PCDHGA9: variants seen among roughly 807,000 people sequenced by gnomAD.
PCDHGA9 encodes the protein protocadherin gamma subfamily A, 9, also known as protocadherin gamma-A9.
A neutral mutation model predicts 62.5 loss-of-function variants in PCDHGA9; 37 were observed. The ratio of observed to expected loss-of-function variants is 0.59; its 90% CI spans 0.46 to 0.78. PCDHGA9 has a LOEUF of 0.78. Among genes scored for constraint, PCDHGA9 ranks in the 30% least tolerant of loss-of-function variants. PCDHGA9 has a pLI of 0.00. For missense variants in PCDHGA9, 1,138 were observed against 1,166.2 expected, an observed-to-expected ratio of 0.98 and a Z score of 0.35; for synonymous variants, 459 against 484.6, an observed-to-expected ratio of 0.95 and a Z score of 0.69.
At chr5:141,470,242 T>C (rs1301513342) in intron 1 of PCDHGA9, among the ~76,000 whole-genome samples, 1 of 152,344 alleles carries the variant, frequency 6.6e-6, no homozygotes, top group South Asian at 2.1e-4. Flanking sequence ...CCCTTGAATG[T>C]CCCACCTGTC....
chr5:141,491,414 G>T lies in PCDHGA9; in HGVS notation c.2425-3393G>T, dbSNP rs137987971. ...CTTCAGGGAAACGCAGACGGGGACGGGGGTGGAGGGCAGTGCTGCAGGCGC... is the reference window on the plus strand; with the variant it reads ...CTTCAGGGAAACGCAGACGGGGACGTGGGTGGAGGGCAGTGCTGCAGGCGC... On this transcript the variant is annotated intron_variant, in intron 1 of 3. Coordinates refer to ENST00000573521, the MANE Select transcript of PCDHGA9 (RefSeq NM_018921.3). The surrounding 1 kb of genome is among the most constrained non-coding windows in gnomAD (Gnocchi z 6.9). 1.9e-6 allele frequency: 3 copies of T among 1,614,008 alleles called. No homozygotes were observed. Among genetic ancestry groups the T allele is most frequent in the Non-Finnish European group, 2.5e-6 (3 of 1,180,030 alleles).
In PCDHGA9 at chr5:141,432,330, A is replaced by G. The variant is rs760184218; in HGVS notation, c.2424+26954A>G. 82 of 1,614,134 alleles carry G rather than the reference A, an allele frequency of 5.1e-5. No individual in the cohort carries two copies. The highest frequency in any genetic ancestry group is 6.8e-5 in the Non-Finnish European group (80 of 1,180,048). Reference sequence around the variant, plus strand: ...GCGCTGAGCTCCTTCGACTACGAGCAGTTCCGAGACTTGCAAGTGAAAGTG... The same window carrying G: ...GCGCTGAGCTCCTTCGACTACGAGCGGTTCCGAGACTTGCAAGTGAAAGTG... On this transcript the variant is annotated intron_variant, in intron 1 of 3. Transcript: ENST00000573521. The surrounding 1 kb of genome is among the most constrained non-coding windows in gnomAD (Gnocchi z 6.0).
chr5:141,426,371 C>T (rs987346395), intron 1 of PCDHGA9: 4 of 217,048 alleles, frequency 1.8e-5, no homozygotes, highest in African/African-American at 9.0e-5. Context: ...TGCGGGGCAC[C>T]CTCGGAGCAG....
chr5:141,449,424 T>C (rs2098638345), intron 1 of PCDHGA9, among the ~76,000 whole-genome samples: 1 of 151,674 alleles, frequency 6.6e-6, no homozygotes, highest in Admixed American at 6.6e-5. Context: ...CTGGCCAACA[T>C]GATAAAACTC....
chr5:141,470,742 G>T (rs2099238719), intron 1 of PCDHGA9, among the ~76,000 whole-genome samples: 1 of 152,066 alleles, frequency 6.6e-6, no homozygotes, highest in African/African-American at 2.4e-5. Flanking sequence ...CTGTCGCCCT[G>T]GCTGGAGTGC....
At chr5:141,414,692 C>T (rs2095777962) in intron 1 of PCDHGA9, 1 of 1,613,918 alleles carries the variant, frequency 6.2e-7, no homozygotes, top group African/African-American at 1.3e-5. Flanking sequence ...GTACCTCTGT[C>T]CTCATACATA....
rs549842756 is a variant in PCDHGA9 at position 141,470,331 on chromosome 5, A to T, written c.2425-24476A>T. ...TTTCCTCAAATGATCCCATAATTTG[A>T]CCTTAGGAAGCTGTTCAAATAGACA... is the stretch of plus-strand genomic sequence containing the variant. On this transcript the variant is annotated intron_variant, in intron 1 of 3. Transcript: ENST00000573521. 3.3e-4 allele frequency among the ~76,000 whole-genome samples: 50 copies of T among 152,244 alleles called. 1 individual carries two copies. Among genetic ancestry groups the T allele is most frequent in the African/African-American group, 1.1e-3 (47 of 41,536 alleles).
At chr5:141,509,720 A>G (rs916316577) in intron 3 of PCDHGA9, among the ~76,000 whole-genome samples, 6 of 151,974 alleles carry the variant, frequency 3.9e-5, no homozygotes, top group Admixed American at 3.3e-4. Context: ...GTCTGATGTC[A>G]CCTAGCTGTG....
intron 1 of PCDHGA9, chr5:141,478,025 A>G (rs939969624): frequency 1.9e-6 from 3 of 1,614,146 alleles, no homozygotes; most frequent in Non-Finnish European, 2.5e-6. Flanking sequence ...AGTCCAAGAC[A>G]CAGATTCACC....
chr5:141,417,766 C>T (rs564920153), intron 1 of PCDHGA9: 7 of 1,442,472 alleles, frequency 4.9e-6, no homozygotes, highest in African/African-American at 4.3e-5. Context: ...AGACCCGGGA[C>T]TCCTCCTGTC....
chr5:141,455,919 A>T, intron 1 of PCDHGA9, among the ~76,000 whole-genome samples: 1 of 145,568 alleles, frequency 6.9e-6, no homozygotes, highest in Non-Finnish European at 1.5e-5. Context: ...TTATTTTGAG[A>T]CGGAGTCTCG....
intron 1 of PCDHGA9, among the ~76,000 whole-genome samples, chr5:141,460,682 T>A (rs957470916): frequency 3.3e-5 from 5 of 152,134 alleles, no homozygotes; most frequent in African/African-American, 1.2e-4. Flanking sequence ...TATATCTATA[T>A]ATCCACCAAC....
chr5:141,436,877 A>G (rs2097851127), intron 1 of PCDHGA9, among the ~76,000 whole-genome samples: 1 of 152,252 alleles, frequency 6.6e-6, no homozygotes, highest in Admixed American at 6.5e-5. Flanking sequence ...AGGCCATAAA[A>G]GATGGGGGAA....
intron 2 of PCDHGA9, among the ~76,000 whole-genome samples, chr5:141,496,748 C>T (rs1382244657): frequency 6.6e-6 from 1 of 152,130 alleles, no homozygotes; most frequent in African/African-American, 2.4e-5. Flanking sequence ...ATTTATTCAA[C>T]AAATATTTAT....
intron 1 of PCDHGA9, chr5:141,428,086 G>C: frequency 1.9e-6 from 3 of 1,609,122 alleles, no homozygotes; most frequent in Non-Finnish European, 1.7e-6. Context: ...CACAACGCTT[G>C]GCTGTCCTAC....
intron 2 of PCDHGA9, among the ~76,000 whole-genome samples, chr5:141,499,297 T>A (rs1449576891): frequency 1.3e-5 from 2 of 152,036 alleles, no homozygotes; most frequent in Non-Finnish European, 2.9e-5. Flanking sequence ...CACACTACCA[T>A]CCCTCCTCTG....
chr5:141,440,960 A>C (rs1467379261), intron 1 of PCDHGA9: 2 of 152,248 alleles, frequency 1.3e-5, no homozygotes, highest in Non-Finnish European at 2.9e-5. Flanking sequence ...CAAGGCAGAG[A>C]TCACATATGG....
chr5:141,441,891 G>A, intron 1 of PCDHGA9: 1 of 348,040 alleles, frequency 2.9e-6, no homozygotes, highest in East Asian at 9.1e-5. Flanking sequence ...TCACCAAGGT[G>A]GTGGCTGTAG....
intron 1 of PCDHGA9, chr5:141,421,745 T>C: frequency 6.2e-7 from 1 of 1,613,950 alleles, no homozygotes; most frequent in Non-Finnish European, 8.5e-7. Flanking sequence ...AGCTACCAGC[T>C]CAGCCCTAAT....
Sources: allele counts gnomAD v4.1 joint callset (sites outside exome capture counted in the v4.1 genomes callset), GRCh38; gene constraint gnomAD v4.1.1; non-coding constraint Gnocchi (gnomAD v3.1); transcripts MANE v1.5; gene names NCBI Gene and HGNC (gene_info 2026-07-23, HGNC 2026-07-21).